Variants in TNFSF15 observed in about 807,000 individuals in gnomAD.
The protein encoded by TNFSF15 is TNF superfamily member 15.
A neutral mutation model predicts 26.4 loss-of-function variants in TNFSF15; 15 were observed. The observed-to-expected ratio is 0.57, with a 90% CI of 0.38 to 0.87. The LOEUF is 0.87. TNFSF15 is among the 40% of genes least tolerant of loss of function. TNFSF15 has a pLI of 0.00. For missense variants in TNFSF15, 290 were observed against 306.1 expected (o/e 0.95, Z 0.39); for synonymous variants, 116 against 115.0 (o/e 1.01, Z -0.06).
rs150191342 is a variant in TNFSF15, at chr9:114,805,939, C to T, written c.74G>A (p.Arg25Lys). ...TGCGCTGCTGCTCCTGGCCTTGGGC[C>T]TGCAGCTGCCGTGCTCTGGCAGCAT... Reference protein sequence around the residue: ...VEMLPEHGSCRPKARSSSARW... With the variant: ...VEMLPEHGSCKPKARSSSARW... Residue 25 changes from arginine (R) to lysine (K), a missense_variant, in exon 1 of 4, where the codon AGG becomes AAG. This residue lies in a region of TNFSF15 where 179 missense variants were observed against 165.9 expected (regional missense o/e 1.08). Transcript: ENST00000374045. 987 of 1,614,124 alleles carry T rather than the reference C, an allele frequency of 6.1e-4. 5 individuals are homozygous for T. The African/African-American group carries it at 0.012, about 19-fold the overall frequency.
rs146813484 is a variant in TNFSF15, at chr9:114,805,950, G to T, written c.63C>A (p.His21Gln). Residue 21 changes from histidine (H) to glutamine (Q), a missense_variant, in exon 1 of 4, where the codon CAC becomes CAA. His to Gln is a conservative substitution (Grantham distance 24). Around this residue, in one of 3 missense-constraint regions of TNFSF15, gnomAD observed 179 missense variants for 165.9 expected, o/e 1.08. Coordinates refer to ENST00000374045, the MANE Select transcript of TNFSF15 (RefSeq NM_005118.4). The stretch of plus-strand genomic sequence containing the variant: ...TCCTGGCCTTGGGCCTGCAGCTGCC[G>T]TGCTCTGGCAGCATTTCCACACTGG... ...ETASVEMLPE[H>Q]GSCRPKARSS... The T allele has an allele frequency of 2.1e-4, 346 of 1,613,994 alleles. No homozygotes were observed. Among genetic ancestry groups the T allele is most frequent in the Non-Finnish European group, 2.7e-4 (318 of 1,180,046 alleles).
rs1336682270 is a variant in TNFSF15, at chr9:114,785,715, C to T, written c.*4737G>A. 1 of 152,232 alleles carries T rather than the reference C, an allele frequency of 6.6e-6. No individual in the cohort carries two copies. Among genetic ancestry groups the T allele is most frequent in the African/African-American group, 2.4e-5 (1 of 41,456 alleles). The allele number at this position is 152,232 out of a possible 1,614,324, so 9.4% of individuals were successfully genotyped here. On this transcript the variant is annotated 3_prime_UTR_variant, in exon 4 of 4. Transcript: ENST00000374045. ...ACTGCAACTCTGTAGCCCTAGCTCT[C>T]TTCTCTGGGGAGCTACAGTAGAAGT...
intron 1 of TNFSF15, among the ~76,000 whole-genome samples, chr9:114,797,735 C>T (rs181868476): frequency 6.6e-6 from 1 of 152,224 alleles, no homozygotes; most frequent in Admixed American, 6.5e-5. Flanking sequence ...GTCATGGCAA[C>T]ATTAGCCTCC....
chr9:114,793,682 T>A (rs1041891838), intron 1 of TNFSF15, 114 bp from the exon 2 acceptor site: 1 of 944,798 alleles, frequency 1.1e-6, no homozygotes, highest in East Asian at 2.5e-5. Flanking sequence ...GCCTGGGTAC[T>A]CTGTGATGAG....
chr9:114,804,884 C>G (rs925496221), intron 1 of TNFSF15, among the ~76,000 whole-genome samples: 2 of 152,168 alleles, frequency 1.3e-5, no homozygotes, highest in African/African-American at 4.8e-5. Context: ...CCATTGAAAA[C>G]CCATTTTTTT....
intron 1 of TNFSF15, among the ~76,000 whole-genome samples, chr9:114,798,292 C>T (rs988041434): frequency 6.6e-6 from 1 of 151,508 alleles, no homozygotes; most frequent in Non-Finnish European, 1.5e-5. Context: ...TTAGCCCTAG[C>T]AAAAAACAGC....
intron 1 of TNFSF15, among the ~76,000 whole-genome samples, chr9:114,795,473 T>G (rs1371664577): frequency 6.6e-6 from 1 of 152,196 alleles, no homozygotes; most frequent in African/African-American, 2.4e-5. Flanking sequence ...CAATATAGCA[T>G]AGCAACAATT....
chr9:114,802,940 T>A (rs983891506), intron 1 of TNFSF15, among the ~76,000 whole-genome samples: 1 of 152,124 alleles, frequency 6.6e-6, no homozygotes, highest in African/African-American at 2.4e-5. Flanking sequence ...ATCTCTTCAA[T>A]CCCCTGGGCC....
At chr9:114,805,385 C>G (rs1024298962) in intron 1 of TNFSF15, among the ~76,000 whole-genome samples, 8 of 152,092 alleles carry the variant, frequency 5.3e-5, no homozygotes, top group African/African-American at 1.9e-4. Context: ...TTATATATCC[C>G]AAACTGTTAA....
intron 1 of TNFSF15, among the ~76,000 whole-genome samples, chr9:114,796,926 G>A (rs1290221320): frequency 3.3e-5 from 5 of 152,210 alleles, no homozygotes; most frequent in Non-Finnish European, 5.9e-5. Flanking sequence ...GAGTGGAGAA[G>A]CAGCCCAGAA....
Position 114,792,442 on chromosome 9 carries a change from C to A in TNFSF15, c.266G>T (p.Arg89Ile), listed in dbSNP as rs1428574713. 2 of 1,614,118 alleles carry A rather than the reference C, an allele frequency of 1.2e-6. No individual in the cohort carries two copies. Among genetic ancestry groups the A allele is most frequent in the Admixed American group, 3.3e-5 (2 of 60,020 alleles). Residue 89 changes from arginine to isoleucine, a missense_variant, in exon 3 of 4, where the codon AGA becomes ATA. This residue lies in a region of TNFSF15 where 179 missense variants were observed against 165.9 expected (regional missense o/e 1.08). Coordinates refer to ENST00000374045, the MANE Select transcript of TNFSF15 (RefSeq NM_005118.4). ...PSHQQVYAPL[R>I]ADGDKPRAHL... is the part of the protein sequence containing the mutation. ...TGCCCTTGGCTTATCTCCGTCTGCT[C>A]TAAGAGGTGCATCTGTAACAAAAGG...
In TNFSF15 at chr9:114,787,032, G is replaced by A. The variant is rs1829513784; in HGVS notation, c.*3420C>T. 1 of 151,962 alleles carries A rather than the reference G, an allele frequency of 6.6e-6. No individual in the cohort carries two copies. Among genetic ancestry groups the A allele is most frequent in the Non-Finnish European group, 1.5e-5 (1 of 68,020 alleles). 9.4% of individuals were successfully genotyped at this position (151,962 alleles called of 1,614,324 possible). A position where few individuals can be genotyped will look rare whatever the true frequency, so the allele number is the denominator to read the frequency against. On this transcript the variant is annotated 3_prime_UTR_variant, in exon 4 of 4. Transcript: ENST00000374045. ...AGTGATTCTGTGCATTTTGATCATG[G>A]TCTCTGTATTTGCTGAGGAACACAG...
At chr9:114,795,783 G>T (rs923795883) in intron 1 of TNFSF15, among the ~76,000 whole-genome samples, 1 of 152,198 alleles carries the variant, frequency 6.6e-6, no homozygotes, top group East Asian at 1.9e-4. Context: ...ACGTGTTTTA[G>T]CATCTGTACA....
At chr9:114,804,988 T>C (rs1829798904) in intron 1 of TNFSF15, among the ~76,000 whole-genome samples, 1 of 152,220 alleles carries the variant, frequency 6.6e-6, no homozygotes, top group Non-Finnish European at 1.5e-5. Context: ...GAAAGACTCA[T>C]TCCTTAGGTT....
chr9:114,802,114 T>C (rs1309117328), intron 1 of TNFSF15, among the ~76,000 whole-genome samples: 1 of 152,238 alleles, frequency 6.6e-6, no homozygotes, highest in Non-Finnish European at 1.5e-5. Context: ...GAGATATTTA[T>C]CTTTGCCATC....
rs1297094106 is a variant in TNFSF15, at chr9:114,787,455, C to T, written c.*2997G>A. On this transcript the variant is annotated 3_prime_UTR_variant, in exon 4 of 4. Coordinates refer to ENST00000374045, the MANE Select transcript of TNFSF15 (RefSeq NM_005118.4). ...GAGACTAAATAATTTATCTCTGTGT[C>T]CCCAGGGGCAGTAGGTACTCAGTAA... 3 of 152,116 alleles carry T rather than the reference C, an allele frequency of 2.0e-5. No homozygotes were observed. Among genetic ancestry groups the T allele is most frequent in the Non-Finnish European group, 2.9e-5 (2 of 68,028 alleles). 9.4% of individuals were successfully genotyped at this position (152,116 alleles called of 1,614,324 possible).
chr9:114,789,329 T>A lies in TNFSF15; in HGVS notation c.*1123A>T, dbSNP rs1829555493. 1 of 152,248 alleles carries A rather than the reference T, an allele frequency of 6.6e-6. No homozygotes were observed. The highest frequency in any genetic ancestry group is 1.5e-5 in the Non-Finnish European group (1 of 68,066). The allele number at this position is 152,248 out of a possible 1,614,324, so 9.4% of individuals were successfully genotyped here. A position where few individuals can be genotyped will look rare whatever the true frequency, so the allele number is the denominator to read the frequency against. ...TGGAGTTATTATTTTATTTTTTTTTTTTTGGACAGAGTTTTGCTCTTGTTA... is the reference window on the plus strand; with the variant it reads ...TGGAGTTATTATTTTATTTTTTTTTATTTGGACAGAGTTTTGCTCTTGTTA... On this transcript the variant is annotated 3_prime_UTR_variant, in exon 4 of 4. Transcript: ENST00000374045.
rs111562788 is a variant in TNFSF15 at position 114,795,811 on chromosome 9, G to A, written c.211-2243C>T. 5.5e-4 allele frequency among the ~76,000 whole-genome samples: 84 copies of A among 152,314 alleles called. No homozygotes were observed. In the East Asian group the frequency reaches 8.3e-3, roughly 15 times the overall value. ...TCTGTACACGTGTCTGTGATGTGGC[G>A]TCATATGTATGGATGTCTTGCCATC... is the stretch of plus-strand genomic sequence containing the variant. On this transcript the variant is annotated intron_variant, in intron 1 of 3. Transcript: ENST00000374045.
chr9:114,798,024 G>A (rs1017688443), intron 1 of TNFSF15, among the ~76,000 whole-genome samples: 1 of 152,160 alleles, frequency 6.6e-6, no homozygotes, highest in African/African-American at 2.4e-5. Flanking sequence ...GGGTGAGGAT[G>A]CAGTGACTTC....
Sources: allele counts gnomAD v4.1 joint callset (sites outside exome capture counted in the v4.1 genomes callset), GRCh38; gene constraint gnomAD v4.1.1; regional missense constraint gnomAD v4.1.1; transcripts MANE v1.5; gene names NCBI Gene and HGNC (gene_info 2026-07-23, HGNC 2026-07-21).